RBPJ: variants seen among roughly 807,000 people sequenced by gnomAD.
RBPJ encodes the protein recombination signal binding protein for immunoglobulin kappa J region.
A neutral mutation model predicts 67.8 loss-of-function variants in RBPJ; 9 were observed. The ratio of observed to expected loss-of-function variants is 0.13; its 90% CI spans 0.08 to 0.23. The LOEUF is 0.23. Among genes scored for constraint, RBPJ ranks in the 10% least tolerant of loss-of-function variants. RBPJ has a pLI of 1.00. For synonymous variants in RBPJ, 198 were observed against 203.3 expected, an observed-to-expected ratio of 0.97 and a Z score of 0.22; for missense variants, 305 against 595.6, an observed-to-expected ratio of 0.51 and a Z score of 5.08.
Position 26,270,393 on chromosome 4 carries a change from G to GAA in RBPJ, c.-166-92051_-166-92050dup, listed in dbSNP as rs1461638989. On this transcript the variant is annotated intron_variant, in intron 1 of 4. Transcript: ENST00000512351. Reference sequence around the variant, plus strand: ...AGAAAGAAAGAAAGAAAGAAAGAAAGAAAGAAAGAAAGAAAGAAAGAAAGA... The same window carrying GAA: ...AGAAAGAAAGAAAGAAAGAAAGAAAGAAAAAGAAAGAAAGAAAGAAAGAAAGA... 8.3e-4 allele frequency among the ~76,000 whole-genome samples: 48 copies of GAA among 58,096 alleles called. 4 individuals are homozygous for GAA. Among genetic ancestry groups the GAA allele is most frequent in the African/African-American group, 2.5e-3 (47 of 18,590 alleles). The allele number at this position is 58,096 out of a possible 152,430, so 38.1% of individuals were successfully genotyped here.
At chr4:26,109,454 C>CTA in the RBPJ span, among the ~76,000 whole-genome samples, 2 of 21,078 alleles carry the variant, frequency 9.5e-5, 1 homozygote, top group African/African-American at 5.8e-4. Context: ...CTCTCTCTCT[C>CTA]TCTCTCTATA....
At chr4:26,139,307 T>C in the RBPJ span, among the ~76,000 whole-genome samples, 1 of 152,234 alleles carries the variant, frequency 6.6e-6, no homozygotes, top group African/African-American at 2.4e-5. Context: ...GCCCAGCCCA[T>C]TGTTGAGCTC....
At chr4:26,284,500 G>T (rs751727390) in intron 1 of RBPJ, among the ~76,000 whole-genome samples, 4 of 152,094 alleles carry the variant, frequency 2.6e-5, no homozygotes, top group Non-Finnish European at 4.4e-5. Flanking sequence ...ACTGAGTCTC[G>T]CTCTGTCACT....
Position 26,424,827 on chromosome 4 carries a change from AAC to A in RBPJ, c.747+89_747+90del. On this transcript the variant is annotated intron_variant, in intron 7 of 10. Transcript: ENST00000355476. This position sits in a 1 kb window ranked among gnomAD's most constrained non-coding sequence, Gnocchi z 5.3. ...GAAAATCACAACATTCAAATGGAAA[AAC>A]ACACCTCAGTTTTATGCTTTTTAAT... 1 of 774,592 alleles carries A rather than the reference AAC, an allele frequency of 1.3e-6. No individual in the cohort carries two copies. The highest frequency in any genetic ancestry group is 1.7e-5 in the South Asian group (1 of 60,040). 48.0% of individuals were successfully genotyped at this position (774,592 alleles called of 1,614,324 possible).
intron 1 of RBPJ, among the ~76,000 whole-genome samples, chr4:26,294,264 A>T (rs780394059): frequency 6.6e-6 from 1 of 151,652 alleles, no homozygotes; most frequent in Admixed American, 6.6e-5. Context: ...TGCCTGGCTA[A>T]TTTTTGTAGT....
chr4:26,289,384 C>CAAAA (rs60159669), intron 1 of RBPJ, among the ~76,000 whole-genome samples: 26 of 78,266 alleles, frequency 3.3e-4, no homozygotes, highest in African/African-American at 6.8e-4. Context: ...GACTTGGTCT[C>CAAAA]AAAAAAAAAA....
At chr4:26,423,242 G>A (rs111477453) in intron 5 of RBPJ, among the ~76,000 whole-genome samples, 2,243 of 152,230 alleles carry the variant, frequency 0.015, 28 homozygotes, top group South Asian at 0.06. Context: ...AGAGTGAGAG[G>A]GTCAATGGAT....
At chr4:26,262,489 T>C (rs1004943655) in intron 1 of RBPJ, among the ~76,000 whole-genome samples, 50 of 152,226 alleles carry the variant, frequency 3.3e-4, no homozygotes, top group Admixed American at 1.3e-4. Flanking sequence ...GTCTTTCCCT[T>C]GGCTTCGAGG....
At chr4:26,329,884 ACT>A (rs1351826210) in intron 1 of RBPJ, among the ~76,000 whole-genome samples, 2 of 149,460 alleles carry the variant, frequency 1.3e-5, no homozygotes, top group Non-Finnish European at 3.0e-5. Flanking sequence ...ACAGAGTGAG[ACT>A]CTGTCTCCAA....
At chr4:26,335,617 CTTTTTTTTTTTTTT>C (rs34386877) in intron 1 of RBPJ, among the ~76,000 whole-genome samples, 2 of 107,838 alleles carry the variant, frequency 1.9e-5, no homozygotes, top group East Asian at 5.2e-4. Flanking sequence ...ATGCTTACTT[CTTTTTTTTTTTTTT>C]TTTTTTGAGC....
chr4:26,420,537 C>G lies in RBPJ; in HGVS notation c.322-14C>G. ...AGGTTTTGCTGCTGTTAAAACTTTA[C>G]TTTTCTTTCACAGAACTATTGCACA... On this transcript the variant is annotated splice_polypyrimidine_tract_variant and intron_variant, in intron 4 of 10. Transcript: ENST00000355476. 6.4e-7 allele frequency: 1 copy of G among 1,565,968 alleles called. No homozygotes were observed. The highest frequency in any genetic ancestry group is 8.6e-7 in the Non-Finnish European group (1 of 1,156,224).
the RBPJ span, among the ~76,000 whole-genome samples, chr4:26,121,873 C>CTTTT: frequency 1.1e-5 from 1 of 94,104 alleles, no homozygotes. Flanking sequence ...GAGTATCTCT[C>CTTTT]TTTTTTTTTT....
chr4:26,130,558 T>A, the RBPJ span, among the ~76,000 whole-genome samples: 7 of 152,084 alleles, frequency 4.6e-5, no homozygotes, highest in South Asian at 1.4e-3. Flanking sequence ...AGCAACCGAG[T>A]CCTGCCACTT....
chr4:26,367,060 G>C (rs1728706690), intron 1 of RBPJ, among the ~76,000 whole-genome samples: 1 of 152,026 alleles, frequency 6.6e-6, no homozygotes, highest in African/African-American at 2.4e-5. Flanking sequence ...GGAGGTGGAG[G>C]TTGCAGTGAG....
At chr4:26,131,154 T>C in the RBPJ span, among the ~76,000 whole-genome samples, 5 of 152,218 alleles carry the variant, frequency 3.3e-5, no homozygotes, top group Non-Finnish European at 7.3e-5. Flanking sequence ...CCCTGCGTTC[T>C]TTTCTCATTA....
At chr4:26,262,225 A>G (rs960525181) in intron 1 of RBPJ, among the ~76,000 whole-genome samples, 5 of 152,096 alleles carry the variant, frequency 3.3e-5, no homozygotes. Context: ...GATTACAGGC[A>G]TGAGCCACCA....
chr4:26,388,332 C>G (rs1202221763), intron 2 of RBPJ, among the ~76,000 whole-genome samples: 2 of 152,038 alleles, frequency 1.3e-5, no homozygotes, highest in Non-Finnish European at 2.9e-5. Flanking sequence ...TTCTATATGT[C>G]CAAGATGTCA....
chr4:26,177,590 A>G (rs532657924), intron 1 of RBPJ, among the ~76,000 whole-genome samples: 1 of 152,056 alleles, frequency 6.6e-6, no homozygotes, highest in Non-Finnish European at 1.5e-5. Flanking sequence ...TAAAAGAAGA[A>G]AGAGAGAAAG....
the RBPJ span, among the ~76,000 whole-genome samples, chr4:26,149,472 T>C: frequency 6.6e-6 from 1 of 152,222 alleles, no homozygotes; most frequent in African/African-American, 2.4e-5. Context: ...ATTGTTCGGA[T>C]GTATTCCCCA....
Sources: gnomAD v4.1 joint callset for allele counts (sites outside exome capture counted in the v4.1 genomes callset) on GRCh38, gnomAD v4.1.1 for gene constraint, Gnocchi (gnomAD v3.1) non-coding constraint, MANE v1.5 for transcripts, NCBI Gene and HGNC (gene_info 2026-07-23, HGNC 2026-07-21) for gene names.